Variants in ZDBF2 observed in about 807,000 individuals in gnomAD.
ZDBF2 encodes zinc finger DBF-type containing 2.
A neutral mutation model predicts 9.4 loss-of-function variants in ZDBF2; 6 were observed. That is an observed-to-expected ratio of 0.64 (90% CI 0.35 to 1.27). The LOEUF (loss-of-function observed/expected upper bound fraction) is 1.27, where lower values mean the gene tolerates loss of function less well. Ranked by LOEUF, ZDBF2 falls within the 50% of genes most tolerant of loss-of-function variation. The probability of loss-of-function intolerance (pLI) is 0.03; values close to 1 mark genes in which losing one functional copy is unlikely to be tolerated. For missense variants in ZDBF2, 2,697 were observed against 2,766.8 expected (o/e 0.97, Z 0.57); for synonymous variants, 905 against 946.3 (o/e 0.96, Z 0.80).
intron 3 of ZDBF2, among the ~76,000 whole-genome samples, chr2:206,292,535 CAAAG>C (rs543170634): frequency 1.3e-5 from 2 of 151,182 alleles, no homozygotes; most frequent in South Asian, 4.2e-4. Flanking sequence ...AGGTCCTAGT[CAAAG>C]AAATAAGGAA....
Position 206,308,107 on chromosome 2 carries a change from A to G in ZDBF2, c.3579A>G (p.Gln1193=), listed in dbSNP as rs773341530. 1.2e-5 allele frequency: 19 copies of G among 1,613,870 alleles called. No individual in the cohort carries two copies. Among genetic ancestry groups the G allele is most frequent in the African/African-American group, 1.1e-4 (8 of 74,948 alleles). Reference sequence around the variant, plus strand: ...TTGAACTAGAAGGTAAGCACAATCAATGTTGTGGTTCTGAAGTAAGTTTTG... The same window carrying G: ...TTGAACTAGAAGGTAAGCACAATCAGTGTTGTGGTTCTGAAGTAAGTTTTG... ...EHIELEGKHN[Q]CCGSEVSFDS... The change falls in exon 5 of 5, where the codon CAA becomes CAG. Residue 1193 remains glutamine (Q), a synonymous_variant. Transcript: ENST00000374423.
In ZDBF2 at chr2:206,309,551, C is replaced by T. The variant is rs374690917; in HGVS notation, c.5023C>T (p.Arg1675Ter). The change falls in exon 5 of 5, where the codon CGA becomes TGA. Residue 1675 changes from arginine to a stop codon, truncating the protein, a stop_gained. Transcript: ENST00000374423. LOFTEE classifies it low-confidence loss of function (END_TRUNC). ...ATTTAATTTGGAAGACACTTCTCATCGAACGACTCACCGACTGCAGAAAGC... is the reference window on the plus strand; with the variant it reads ...ATTTAATTTGGAAGACACTTCTCATTGAACGACTCACCGACTGCAGAAAGC... ...GKFNLEDTSH[R>*]TTHRLQKAHK... The T allele has an allele frequency of 1.9e-6, 3 of 1,613,932 alleles. No homozygotes were observed. The highest frequency in any genetic ancestry group is 2.5e-6 in the Non-Finnish European group (3 of 1,179,892).
chr2:206,294,215 T>G (rs939881061), intron 3 of ZDBF2, among the ~76,000 whole-genome samples: 1 of 152,150 alleles, frequency 6.6e-6, no homozygotes, highest in Non-Finnish European at 1.5e-5. Flanking sequence ...AATAGTTACT[T>G]TTGGGGAAAA....
In ZDBF2 at chr2:206,306,352, A is replaced by G. The variant is rs1370072916; in HGVS notation, c.1824A>G (p.Arg608=). ...LTVKGRNLKG[R]QVHLKHKKRK... is the part of the protein sequence containing the mutation. Reference sequence around the variant, plus strand: ...TCAAAGGAAGAAACCTGAAAGGTAGACAAGTCCACCTAAAACATAAGAAGC... The same window carrying G: ...TCAAAGGAAGAAACCTGAAAGGTAGGCAAGTCCACCTAAAACATAAGAAGC... The change falls in exon 5 of 5, where the codon AGA becomes AGG. Residue 608 remains arginine, a synonymous_variant. Coordinates refer to ENST00000374423, the MANE Select transcript of ZDBF2 (RefSeq NM_020923.3). 6.2e-7 allele frequency: 1 copy of G among 1,613,788 alleles called. No individual in the cohort carries two copies. Among genetic ancestry groups the G allele is most frequent in the African/African-American group, 1.3e-5 (1 of 75,058 alleles).
intron 4 of ZDBF2, among the ~76,000 whole-genome samples, chr2:206,297,679 TTTTG>T (rs1052215631): frequency 5.3e-5 from 8 of 152,086 alleles, no homozygotes; most frequent in East Asian, 1.9e-4. Context: ...AGATAGTTTT[TTTTG>T]TTTGTTTGTT....
Position 206,281,782 on chromosome 2 carries a change from T to C in ZDBF2, c.-49-19T>C. The C allele has an allele frequency of 6.8e-7, 1 of 1,467,702 alleles. No homozygotes were observed. The highest frequency in any genetic ancestry group is 9.4e-7 in the Non-Finnish European group (1 of 1,059,608). The allele number at this position is 1,467,702 out of a possible 1,614,324, so 90.9% of individuals were successfully genotyped here. ...AGTAAGGAATTATGATTTTTACCATTTTTCTTTTTGTTTTTCAGCTTGAGT... is the reference window on the plus strand; with the variant it reads ...AGTAAGGAATTATGATTTTTACCATCTTTCTTTTTGTTTTTCAGCTTGAGT... On this transcript the variant is annotated intron_variant, in intron 2 of 4. Coordinates refer to ENST00000374423, the MANE Select transcript of ZDBF2 (RefSeq NM_020923.3).
chr2:206,281,983 AATTT>A (rs1259223115), intron 3 of ZDBF2, 74 bp downstream of exon 3: 5 of 1,306,538 alleles, frequency 3.8e-6, no homozygotes, highest in Non-Finnish European at 5.3e-6. Flanking sequence ...TTATTAAATT[AATTT>A]ATTTATTCAT....
intron 3 of ZDBF2, among the ~76,000 whole-genome samples, chr2:206,283,559 G>A (rs562776408): frequency 5.3e-5 from 8 of 152,168 alleles, no homozygotes; most frequent in South Asian, 4.2e-4. Context: ...TAATTGTGTT[G>A]TCTTTTTATT....
chr2:206,286,229 T>C (rs1439162637), intron 3 of ZDBF2, among the ~76,000 whole-genome samples: 1 of 152,226 alleles, frequency 6.6e-6, no homozygotes, highest in Non-Finnish European at 1.5e-5. Flanking sequence ...TGGTCTAAAA[T>C]GCAGTTTAAA....
At chr2:206,295,143 C>T (rs1054088892) in intron 3 of ZDBF2, among the ~76,000 whole-genome samples, 5 of 152,088 alleles carry the variant, frequency 3.3e-5, no homozygotes, top group Admixed American at 6.5e-5. Context: ...TCTTTAACAC[C>T]TTTACCGTGA....
intron 3 of ZDBF2, among the ~76,000 whole-genome samples, chr2:206,283,795 C>T (rs1055965515): frequency 6.6e-6 from 1 of 152,064 alleles, no homozygotes; most frequent in Non-Finnish European, 1.5e-5. Context: ...TCCCAAGTAC[C>T]TGGGACTACT....
chr2:206,308,458 G>A lies in ZDBF2; in HGVS notation c.3930G>A (p.Leu1310=). The A allele has an allele frequency of 6.2e-7, 1 of 1,613,530 alleles. No homozygotes were observed. Residue 1310 remains leucine, a synonymous_variant, in exon 5 of 5, where the codon TTG becomes TTA. Transcript: ENST00000374423. ...GGGCGAATAAAGAAATAAATCTTTT[G>A]AGGGAGGAACATGTTTGTCTGGATG... ...IPGANKEINL[L]REEHVCLDDK...
At chr2:206,275,305 G>T (rs1329691247) in intron 1 of ZDBF2, among the ~76,000 whole-genome samples, 2 of 152,074 alleles carry the variant, frequency 1.3e-5, no homozygotes, top group African/African-American at 4.8e-5. Context: ...CCGGGAACCC[G>T]CGGAGTCTTG....
chr2:206,307,765 A>G lies in ZDBF2; in HGVS notation c.3237A>G (p.Lys1079=), dbSNP rs767489787. ...AAAACAGTAAATCAGGTGATTCTAA[A>G]ATAACTTTTGATTCTGAACAACTTC... ...KDKNSKSGDS[K]ITFDSEQLQE... Residue 1079 remains lysine, a synonymous_variant, in exon 5 of 5, where the codon AAA becomes AAG. Coordinates refer to ENST00000374423, the MANE Select transcript of ZDBF2 (RefSeq NM_020923.3). 47 of 1,611,420 alleles carry G rather than the reference A, an allele frequency of 2.9e-5. No individual in the cohort carries two copies. Among genetic ancestry groups the G allele is most frequent in the Non-Finnish European group, 3.0e-5 (35 of 1,179,332 alleles).
At position 206,306,149 on chromosome 2, in the gene ZDBF2, G is replaced by C; in HGVS notation, c.1621G>C (p.Asp541His). Reference protein sequence around the residue: ...YGSSSSEVSADSVFPLQSVVD... With the variant: ...YGSSSSEVSAHSVFPLQSVVD... ...TTCCAGTAGCTCTGAAGTAAGTGCTGATTCTGTTTTCCCACTGCAGTCAGT... is the reference window on the plus strand; with the variant it reads ...TTCCAGTAGCTCTGAAGTAAGTGCTCATTCTGTTTTCCCACTGCAGTCAGT... Residue 541 changes from aspartate to histidine, a missense_variant, in exon 5 of 5, where the codon GAT becomes CAT. By Grantham distance (81) the Asp-to-His change is moderately conservative. Coordinates refer to ENST00000374423, the MANE Select transcript of ZDBF2 (RefSeq NM_020923.3). 6.2e-7 allele frequency: 1 copy of C among 1,613,784 alleles called. No homozygotes were observed. The highest frequency in any genetic ancestry group is 8.5e-7 in the Non-Finnish European group (1 of 1,179,802).
In ZDBF2 at chr2:206,307,847, A is replaced by G; in HGVS notation, c.3319A>G (p.Lys1107Glu). Residue 1107 changes from lysine (K) to glutamate (E), a missense_variant, in exon 5 of 5, where the codon AAG (lysine) becomes GAG (glutamate). Physicochemically the swap from Lys to Glu is moderately conservative, Grantham distance 56. Coordinates refer to ENST00000374423, the MANE Select transcript of ZDBF2 (RefSeq NM_020923.3). ...WKEEVIGLKN[K>E]INEPSTYKLI... ...GGAAGAGGTTATTGGCCTGAAAAATAAGATTAATGAACCTAGTACTTATAA... is the reference window on the plus strand; with the variant it reads ...GGAAGAGGTTATTGGCCTGAAAAATGAGATTAATGAACCTAGTACTTATAA... 1 of 1,612,456 alleles carries G rather than the reference A, an allele frequency of 6.2e-7. No individual in the cohort carries two copies. The highest frequency in any genetic ancestry group is 1.1e-5 in the South Asian group (1 of 90,566).
In ZDBF2 at chr2:206,309,737, C is replaced by T. The variant is rs1194578785; in HGVS notation, c.5209C>T (p.Leu1737=). 6.2e-7 allele frequency: 1 copy of T among 1,613,922 alleles called. No homozygotes were observed. The change falls in exon 5 of 5, where the codon CTA becomes TTA. Residue 1737 remains leucine, a synonymous_variant. Coordinates refer to ENST00000374423, the MANE Select transcript of ZDBF2 (RefSeq NM_020923.3). ...KKRSKLKHRD[L]EVSCEPDGFE... ...ACGTTCGAAGCTAAAACATAGAGAT[C>T]TAGAAGTGAGCTGTGAACCGGATGG...
At chr2:206,290,875 T>C (rs1320721455) in intron 3 of ZDBF2, among the ~76,000 whole-genome samples, 1 of 152,216 alleles carries the variant, frequency 6.6e-6, no homozygotes, top group Admixed American at 6.5e-5. Context: ...ATTTCTAGTA[T>C]GATGAGTGTT....
chr2:206,307,309 G>T lies in ZDBF2; in HGVS notation c.2781G>T (p.Val927=). 6.2e-7 allele frequency: 1 copy of T among 1,611,332 alleles called. No individual in the cohort carries two copies. Among genetic ancestry groups the T allele is most frequent in the South Asian group, 1.1e-5 (1 of 90,262 alleles). Residue 927 remains valine, a synonymous_variant, in exon 5 of 5, where the codon GTG becomes GTT. Coordinates refer to ENST00000374423, the MANE Select transcript of ZDBF2 (RefSeq NM_020923.3). The stretch of plus-strand genomic sequence containing the variant: ...ATTATAATATCATTTTTCATTCAGT[G>T]ACTGGACGTTCTGAAGATCCCATTA... ...SLDYNIIFHS[V]TGRSEDPIKE...
Sources: gnomAD v4.1 joint callset for allele counts (sites outside exome capture counted in the v4.1 genomes callset) on GRCh38, gnomAD v4.1.1 for gene constraint, MANE v1.5 for transcripts, NCBI Gene and HGNC (gene_info 2026-07-23, HGNC 2026-07-21) for gene names.